The following YLPM1 variants were observed in gnomAD, a reference collection of about 807,000 sequenced individuals.
YLPM1 encodes the protein YLP motif-containing protein 1.
A neutral mutation model predicts 230.0 loss-of-function variants in YLPM1; 99 were observed. The ratio of observed to expected loss-of-function variants is 0.43; its 90% CI spans 0.37 to 0.51. YLPM1 has a LOEUF of 0.51. Ranked by LOEUF, YLPM1 falls within the 20% of genes least tolerant of loss-of-function variation. The probability of loss-of-function intolerance (pLI) is 0.00; values close to 1 mark genes in which losing one functional copy is unlikely to be tolerated. For missense variants in YLPM1, 2,592 were observed against 2,707.7 expected (o/e 0.96, Z 0.95); for synonymous variants, 984 against 942.5 (o/e 1.04, Z -0.81).
chr14:74,806,974 A>C (rs1489549314), intron 6 of YLPM1, among the ~76,000 whole-genome samples: 1 of 152,188 alleles, frequency 6.6e-6, no homozygotes, highest in Non-Finnish European at 1.5e-5. Context: ...TAAGATATTT[A>C]AAACTTGTCT....
In YLPM1 at chr14:74,816,973, C is replaced by G; in HGVS notation, c.5728C>G (p.Arg1910Gly). ...TGAAGCTGAGATGGAGGAGACTTAC[C>G]GCACCAGCATGTTCAAAACTTTCAA... ...EYEAEMEETYRTSMFKTFKKT... is the reference protein window; with the variant it reads ...EYEAEMEETYGTSMFKTFKKT... The change falls in exon 14 of 21, where the codon CGC (arginine) becomes GGC (glycine). Residue 1910 changes from arginine to glycine, a missense_variant. Physicochemically the swap from Arg to Gly is moderately radical, Grantham distance 125. This residue lies in a region of YLPM1 where 315 missense variants were observed against 429.3 expected (regional missense o/e 0.73). Coordinates refer to ENST00000325680, the MANE Select transcript of YLPM1 (RefSeq NM_019589.3). The G allele has an allele frequency of 6.2e-7, 1 of 1,602,028 alleles. No homozygotes were observed. Among genetic ancestry groups the G allele is most frequent in the Non-Finnish European group, 8.5e-7 (1 of 1,175,832 alleles).
At position 74,836,108 on chromosome 14, in the gene YLPM1, A is replaced by G; in HGVS notation, c.*370A>G. Reference sequence around the variant, plus strand: ...TGTGGCTGTTTCTGTTTTTTACTGTATGTAACTGGTAGCTGATTGTACTAG... The same window carrying G: ...TGTGGCTGTTTCTGTTTTTTACTGTGTGTAACTGGTAGCTGATTGTACTAG... On this transcript the variant is annotated 3_prime_UTR_variant, in exon 21 of 21. Coordinates refer to ENST00000325680, the MANE Select transcript of YLPM1 (RefSeq NM_019589.3). The G allele has an allele frequency of 3.9e-6, 1 of 259,068 alleles. No individual in the cohort carries two copies. The highest frequency in any genetic ancestry group is 7.7e-6 in the Non-Finnish European group (1 of 130,590). The allele number at this position is 259,068 out of a possible 1,614,324, so 16.0% of individuals were successfully genotyped here. A position where few individuals can be genotyped will look rare whatever the true frequency, so the allele number is the denominator to read the frequency against.
At chr14:74,813,258 ATTG>A (rs993264667) in intron 11 of YLPM1, among the ~76,000 whole-genome samples, 17 of 152,202 alleles carry the variant, frequency 1.1e-4, no homozygotes, top group African/African-American at 4.1e-4. Context: ...GAATTAATAG[ATTG>A]TTGTTTTAAA....
chr14:74,820,690 A>C (rs892840096), intron 16 of YLPM1, among the ~76,000 whole-genome samples: 1 of 152,186 alleles, frequency 6.6e-6, no homozygotes, highest in East Asian at 1.9e-4. Context: ...ACTTTTCACT[A>C]TACTTTTTCT....
intron 17 of YLPM1, 39 bp from the exon 18 acceptor site, chr14:74,824,217 C>A: frequency 6.2e-7 from 1 of 1,603,000 alleles, no homozygotes; most frequent in South Asian, 1.1e-5. Flanking sequence ...GTATGTGTCT[C>A]TTTCTAACCC....
intron 1 of YLPM1, among the ~76,000 whole-genome samples, chr14:74,769,249 G>GTTTTTTTTTTT (rs2090947639): frequency 3.1e-5 from 1 of 32,422 alleles, no homozygotes; most frequent in African/African-American, 7.4e-5. Context: ...TAATTTTTTT[G>GTTTTTTTTTTT]TATTTTTATC....
intron 4 of YLPM1, among the ~76,000 whole-genome samples, chr14:74,784,308 C>G (rs1463050369): frequency 6.6e-6 from 1 of 152,126 alleles, no homozygotes; most frequent in African/African-American, 2.4e-5. Flanking sequence ...AATCTCTGTG[C>G]TGGGAGGATA....
intron 18 of YLPM1, 129 bp downstream of exon 18, chr14:74,824,436 C>T (rs1463274790): frequency 5.1e-6 from 4 of 787,044 alleles, no homozygotes; most frequent in Admixed American, 6.4e-5. Context: ...TACCTTATAT[C>T]CTCCAATCTA....
chr14:74,802,664 T>C lies in YLPM1; in HGVS notation c.4509T>C (p.Pro1503=), dbSNP rs1224016272. ...ESRLQNTSSR[P]GMYPPPGSYR... Reference sequence around the variant, plus strand: ...GATTGCAGAATACATCTTCAAGACCTGGAATGTATCCGGTATGGGAGAATG... The same window carrying C: ...GATTGCAGAATACATCTTCAAGACCCGGAATGTATCCGGTATGGGAGAATG... Residue 1503 remains proline (P), a synonymous_variant, in exon 6 of 21, where the codon CCT becomes CCC. Transcript: ENST00000325680. 6.2e-7 allele frequency: 1 copy of C among 1,610,060 alleles called. No individual in the cohort carries two copies. Among genetic ancestry groups the C allele is most frequent in the South Asian group, 1.1e-5 (1 of 90,252 alleles).
chr14:74,779,641 CTTTTTTTT>C (rs10715703), intron 2 of YLPM1, among the ~76,000 whole-genome samples: 1 of 140,388 alleles, frequency 7.1e-6, no homozygotes, highest in Non-Finnish European at 1.5e-5. Context: ...TTAAGGTTCA[CTTTTTTTT>C]TTTTTTTTTC....
chr14:74,817,033 A>G lies in YLPM1; in HGVS notation c.5788A>G (p.Ile1930Val). The G allele has an allele frequency of 1.9e-6, 3 of 1,612,082 alleles. No homozygotes were observed. Among genetic ancestry groups the G allele is most frequent in the Non-Finnish European group, 2.5e-6 (3 of 1,179,222 alleles). Residue 1930 changes from isoleucine to valine, a missense_variant, in exon 14 of 21, where the codon ATC (isoleucine) becomes GTC (valine). Physicochemically the swap from Ile to Val is conservative, Grantham distance 29 (BLOSUM62 3). Around this residue, in one of 4 missense-constraint regions of YLPM1, gnomAD observed 315 missense variants for 429.3 expected, o/e 0.73. Transcript: ENST00000325680. ...GGATGATGGCTTTTTTCCCTTCATC[A>G]TCCTGGATGCCATCAATGACAGAGT... ...TLDDGFFPFIILDAINDRVRH... is the reference protein window; with the variant it reads ...TLDDGFFPFIVLDAINDRVRH...
rs759341342 is a variant in YLPM1, at chr14:74,763,977, C to T, written c.488C>T (p.Ser163Phe). 1 of 1,482,508 alleles carries T rather than the reference C, an allele frequency of 6.7e-7. No individual in the cohort carries two copies. The highest frequency in any genetic ancestry group is 9.1e-7 in the Non-Finnish European group (1 of 1,103,468). 91.8% of individuals were successfully genotyped at this position (1,482,508 alleles called of 1,614,324 possible). A position where few individuals can be genotyped will look rare whatever the true frequency, so the allele number is the denominator to read the frequency against. The part of the protein sequence containing the change: ...PPGSYMPPSQ[S>F]YMPPPQPPPS... ...GGGTCCTATATGCCCCCATCTCAGT[C>T]TTACATGCCCCCACCTCAGCCGCCA... Residue 163 changes from serine (S) to phenylalanine (F), a missense_variant, in exon 1 of 21, where the codon TCT becomes TTT. By Grantham distance (155) the Ser-to-Phe change is radical. Coordinates refer to ENST00000325680, the MANE Select transcript of YLPM1 (RefSeq NM_019589.3).
At chr14:74,777,617 A>G (rs983182528) in intron 1 of YLPM1, among the ~76,000 whole-genome samples, 2 of 152,100 alleles carry the variant, frequency 1.3e-5, no homozygotes, top group Admixed American at 6.6e-5. Flanking sequence ...ATGTGTGTAC[A>G]GCATATTCTC....
rs536459080 is a variant in YLPM1 at position 74,831,315 on chromosome 14, G to T, written c.6294+1972G>T. ...TGCAGATACTCCAAAGCCTGCCCTT[G>T]TCTGTGTAGCTTCAAAGGATGGGTA... On this transcript the variant is annotated intron_variant, in intron 19 of 20. Transcript: ENST00000325680. Among the ~76,000 whole-genome samples, 30 of 152,226 alleles carry T rather than the reference G, an allele frequency of 2.0e-4. 1 individual carries two copies. The South Asian group carries it at 5.8e-3, about 29-fold the overall frequency.
At position 74,798,865 on chromosome 14, in the gene YLPM1, A is replaced by C; in HGVS notation, c.3568A>C (p.Arg1190=). The change falls in exon 5 of 21, where the codon AGG becomes CGG. Residue 1190 remains arginine (R), a synonymous_variant. Transcript: ENST00000325680. Reference sequence around the variant, plus strand: ...TCCATATCACCGGGATGAGCCTCCTAGGGCTCCATGGAACCATGGAGAAGA... The same window carrying C: ...TCCATATCACCGGGATGAGCCTCCTCGGGCTCCATGGAACCATGGAGAAGA... The part of the protein sequence containing the change: ...MYPYHRDEPP[R]APWNHGEERG... The C allele has an allele frequency of 6.2e-7, 1 of 1,613,864 alleles. No homozygotes were observed. The highest frequency in any genetic ancestry group is 1.1e-5 in the South Asian group (1 of 91,066).
intron 1 of YLPM1, among the ~76,000 whole-genome samples, chr14:74,773,495 T>C (rs1360421188): frequency 1.3e-5 from 2 of 152,190 alleles, no homozygotes; most frequent in African/African-American, 2.4e-5. Flanking sequence ...TTGTGAAAGA[T>C]AGTTTGCATC....
chr14:74,832,101 G>C (rs1354394583), intron 19 of YLPM1, among the ~76,000 whole-genome samples: 1 of 152,214 alleles, frequency 6.6e-6, no homozygotes, highest in Non-Finnish European at 1.5e-5. Flanking sequence ...ACCTTTGAGG[G>C]CTAGTTAAGA....
rs527913094 is a variant in YLPM1 at position 74,785,083 on chromosome 14, A to G, written c.2282+2758A>G. Reference sequence around the variant, plus strand: ...CTCTTGTTGAACTTAACATCAATCTAGCTTCCCAGGTCTTTTTCACATTAG... The same window carrying G: ...CTCTTGTTGAACTTAACATCAATCTGGCTTCCCAGGTCTTTTTCACATTAG... On this transcript the variant is annotated intron_variant, in intron 4 of 20. Transcript: ENST00000325680. Among the ~76,000 whole-genome samples, 5 of 152,290 alleles carry G rather than the reference A, an allele frequency of 3.3e-5. No homozygotes were observed. The South Asian group carries it at 6.2e-4, about 19-fold the overall frequency.
chr14:74,773,711 CTTTTT>C (rs766885242), intron 1 of YLPM1, among the ~76,000 whole-genome samples: 9 of 60,560 alleles, frequency 1.5e-4, no homozygotes, highest in Non-Finnish European at 2.5e-4. Flanking sequence ...TGTTTTCTTT[CTTTTT>C]TTTTTTTTTT....
Sources: allele counts gnomAD v4.1 joint callset (sites outside exome capture counted in the v4.1 genomes callset), GRCh38; gene constraint gnomAD v4.1.1; regional missense constraint gnomAD v4.1.1; transcripts MANE v1.5; gene names NCBI Gene and HGNC (gene_info 2026-07-23, HGNC 2026-07-21).